The following ARHGAP15 variants were observed in gnomAD, a reference collection of about 807,000 sequenced individuals.
ARHGAP15 encodes rho GTPase-activating protein 15.
A neutral mutation model predicts 63.7 loss-of-function variants in ARHGAP15; 51 were observed. The ratio of observed to expected loss-of-function variants is 0.80; its 90% CI spans 0.64 to 1.01. ARHGAP15 has a LOEUF of 1.01. Ranked by LOEUF, ARHGAP15 falls within the 50% of genes least tolerant of loss-of-function variation. The probability of loss-of-function intolerance (pLI) is 0.00; values close to 1 mark genes in which losing one functional copy is unlikely to be tolerated. For synonymous variants in ARHGAP15, 191 were observed against 193.8 expected (o/e 0.99, Z 0.12); for missense variants, 560 against 564.6 (o/e 0.99, Z 0.08).
intron 6 of ARHGAP15, among the ~76,000 whole-genome samples, chr2:143,395,849 C>T (rs941964514): frequency 6.6e-6 from 1 of 151,978 alleles, no homozygotes; most frequent in East Asian, 1.9e-4. Flanking sequence ...GTCAGCTATA[C>T]TAAACATGTT....
rs559398357 is a variant in ARHGAP15, at chr2:143,613,272, T to C, written c.1004-10861T>C. Among the ~76,000 whole-genome samples, 12 of 152,340 alleles carry C rather than the reference T, an allele frequency of 7.9e-5. No homozygotes were observed. The South Asian group carries it at 2.1e-3, about 26-fold the overall frequency. Reference sequence around the variant, plus strand: ...AATACATTGAAAGTAGGTTTGCCTTTTCCTTTGAATTTTCTAAACTCTATA... The same window carrying C: ...AATACATTGAAAGTAGGTTTGCCTTCTCCTTTGAATTTTCTAAACTCTATA... On this transcript the variant is annotated intron_variant, in intron 11 of 13. Transcript: ENST00000295095.
chr2:143,339,728 C>T (rs1014831823), intron 6 of ARHGAP15, among the ~76,000 whole-genome samples: 8 of 152,156 alleles, frequency 5.3e-5, no homozygotes, highest in Non-Finnish European at 2.9e-5. Context: ...TGTCTACTGA[C>T]AATCTATGAC....
intron 9 of ARHGAP15, among the ~76,000 whole-genome samples, chr2:143,509,492 G>A (rs1037087559): frequency 6.6e-6 from 1 of 152,176 alleles, no homozygotes; most frequent in Non-Finnish European, 1.5e-5. Context: ...AGTTAACGCA[G>A]TACCTCCTGA....
intron 8 of ARHGAP15, among the ~76,000 whole-genome samples, chr2:143,467,132 A>C (rs78170912): frequency 1.3e-5 from 2 of 152,010 alleles, no homozygotes; most frequent in African/African-American, 4.8e-5. Context: ...TTTCCTTCAC[A>C]TTATAGTATG....
chr2:143,467,684 T>G (rs1342241412), intron 8 of ARHGAP15, among the ~76,000 whole-genome samples: 1 of 152,108 alleles, frequency 6.6e-6, no homozygotes, highest in East Asian at 1.9e-4. Context: ...TATTAACTTC[T>G]CCATTTAGGC....
intron 8 of ARHGAP15, among the ~76,000 whole-genome samples, chr2:143,477,575 G>A (rs1691882276): frequency 6.6e-6 from 1 of 151,930 alleles, no homozygotes; most frequent in Non-Finnish European, 1.5e-5. Flanking sequence ...CCATCTAACA[G>A]ATGATACAAT....
chr2:143,250,451 C>A, intron 5 of ARHGAP15, 60 bp from the exon 6 acceptor site: 2 of 1,308,554 alleles, frequency 1.5e-6, no homozygotes, highest in Non-Finnish European at 2.2e-6. Context: ...ACTCCTATTT[C>A]TCTGACATCT....
At chr2:143,175,629 T>C (rs1690983181) in intron 2 of ARHGAP15, among the ~76,000 whole-genome samples, 1 of 152,174 alleles carries the variant, frequency 6.6e-6, no homozygotes, top group African/African-American at 2.4e-5. Flanking sequence ...CTCACCACTC[T>C]CATTCTCAGC....
chr2:143,339,305 T>C (rs1432365749), intron 6 of ARHGAP15, among the ~76,000 whole-genome samples: 2 of 152,078 alleles, frequency 1.3e-5, no homozygotes, highest in Non-Finnish European at 2.9e-5. Context: ...TACTCCTGAG[T>C]ACTCAATTTC....
At chr2:143,495,091 T>C (rs1263711459) in intron 9 of ARHGAP15, among the ~76,000 whole-genome samples, 1 of 152,214 alleles carries the variant, frequency 6.6e-6, no homozygotes, top group African/African-American at 2.4e-5. Context: ...TGAAATGATA[T>C]ATGCGAAAAT....
chr2:143,669,734 A>G (rs1682420450), intron 12 of ARHGAP15, among the ~76,000 whole-genome samples: 1 of 152,206 alleles, frequency 6.6e-6, no homozygotes, highest in African/African-American at 2.4e-5. Context: ...TTCAGATCCT[A>G]GAAAATATAT....
At chr2:143,399,608 C>G (rs916562254) in intron 6 of ARHGAP15, among the ~76,000 whole-genome samples, 1 of 152,006 alleles carries the variant, frequency 6.6e-6, no homozygotes, top group Non-Finnish European at 1.5e-5. Flanking sequence ...TTATCTCATT[C>G]ATAATATCTC....
chr2:143,207,682 A>G (rs1692394010), intron 3 of ARHGAP15, among the ~76,000 whole-genome samples: 1 of 152,062 alleles, frequency 6.6e-6, no homozygotes, highest in Non-Finnish European at 1.5e-5. Context: ...CTTGAATTGA[A>G]TTTCTTACTT....
At chr2:143,679,566 C>T (rs988652489) in intron 12 of ARHGAP15, among the ~76,000 whole-genome samples, 1 of 151,952 alleles carries the variant, frequency 6.6e-6, no homozygotes, top group Non-Finnish European at 1.5e-5. Flanking sequence ...ATGTCTTTCT[C>T]GTAGAAACAG....
intron 9 of ARHGAP15, among the ~76,000 whole-genome samples, chr2:143,508,652 A>G (rs975807693): frequency 1.3e-5 from 2 of 152,204 alleles, no homozygotes; most frequent in African/African-American, 4.8e-5. Flanking sequence ...TTAGATAAGC[A>G]GAGGGTGGGA....
chr2:143,673,754 GTGTGTATATATA>G (rs1402666228), intron 12 of ARHGAP15, among the ~76,000 whole-genome samples: 1 of 31,404 alleles, frequency 3.2e-5, no homozygotes, highest in East Asian at 2.2e-3. Context: ...GTGTGTGTGT[GTGTGTATATATA>G]TATATATATA....
chr2:143,479,250 T>A (rs1691962689), intron 8 of ARHGAP15, among the ~76,000 whole-genome samples: 1 of 152,172 alleles, frequency 6.6e-6, no homozygotes, highest in African/African-American at 2.4e-5. Context: ...CTTGACTTAC[T>A]TTTTTGCGGA....
chr2:143,412,247 G>A (rs6723640), intron 6 of ARHGAP15, among the ~76,000 whole-genome samples: 33,236 of 152,034 alleles, frequency 0.22, 4,097 homozygotes, highest in Admixed American at 0.33. Flanking sequence ...TGTTGATCTA[G>A]AGTAGTAGAA....
chr2:143,173,846 G>A (rs531769914), intron 2 of ARHGAP15, among the ~76,000 whole-genome samples: 4 of 152,098 alleles, frequency 2.6e-5, no homozygotes, highest in East Asian at 1.9e-4. Context: ...AATGTCAACC[G>A]TATGTTAGAT....
Sources: gnomAD v4.1 joint callset for allele counts (sites outside exome capture counted in the v4.1 genomes callset) on GRCh38, gnomAD v4.1.1 for gene constraint, MANE v1.5 for transcripts, NCBI Gene and HGNC (gene_info 2026-07-23, HGNC 2026-07-21) for gene names.